The following NDRG2 variants were observed in gnomAD, a reference collection of about 807,000 sequenced individuals.
NDRG2 encodes the protein NDRG family member 2.
A neutral mutation model predicts 58.2 loss-of-function variants in NDRG2; 34 were observed. The observed-to-expected ratio is 0.58, with a 90% CI of 0.44 to 0.78. The LOEUF (loss-of-function observed/expected upper bound fraction) is 0.78, where lower values mean the gene tolerates loss of function less well. Among genes scored for constraint, NDRG2 ranks in the 30% least tolerant of loss-of-function variants. The pLI is 0.00. For missense variants in NDRG2, 434 were observed against 471.2 expected, an observed-to-expected ratio of 0.92 and a Z score of 0.73; for synonymous variants, 187 against 175.9, an observed-to-expected ratio of 1.06 and a Z score of -0.50.
intron 1 of NDRG2, among the ~76,000 whole-genome samples, chr14:21,060,317 C>A (rs1885891780): frequency 6.6e-6 from 1 of 152,148 alleles, no homozygotes; most frequent in African/African-American, 2.4e-5. Context: ...AGCCTCCAGC[C>A]CCCTCCACAT....
chr14:21,022,953 G>A lies in NDRG2; in HGVS notation c.76-48C>T, dbSNP rs371608957. On this transcript the variant is annotated intron_variant, in intron 2 of 15. Coordinates refer to ENST00000556147, the MANE Select transcript of NDRG2 (RefSeq NM_001320329.2). ...ACACAGAAACACATGACCATGTGGC[G>A]TCCCAGATGGAGAGACAAACAGACA... 9.5e-5 allele frequency: 152 copies of A among 1,603,798 alleles called. 1 individual carries two copies. The East Asian group carries it at 1.8e-3, about 19-fold the overall frequency.
chr14:21,021,704 A>G, intron 6 of NDRG2, 113 bp downstream of exon 6: 4 of 1,147,546 alleles, frequency 3.5e-6, no homozygotes, highest in Non-Finnish European at 5.1e-6. Flanking sequence ...AAGAAGATAT[A>G]TTGAGTTCAG....
Position 21,017,735 on chromosome 14 carries a change from G to A in NDRG2, c.977C>T (p.Ser326Phe). The A allele has an allele frequency of 1.2e-6, 2 of 1,602,070 alleles. No homozygotes were observed. Among genetic ancestry groups the A allele is most frequent in the Non-Finnish European group, 8.5e-7 (1 of 1,174,062 alleles). Residue 326 changes from serine to phenylalanine, a missense_variant, in exon 16 of 16, where the codon TCC (serine) becomes TTC (phenylalanine). Transcript: ENST00000556147. ...YMASSCMTRLSRSRTASLTSA... is the reference protein window; with the variant it reads ...YMASSCMTRLFRSRTASLTSA... ...GGTCAGAGAGGCTGTACGAGACCGGGACAGGCGAGTCATGCAGGATGAGGC... is the reference window on the plus strand; with the variant it reads ...GGTCAGAGAGGCTGTACGAGACCGGAACAGGCGAGTCATGCAGGATGAGGC...
intron 1 of NDRG2, chr14:21,033,070 T>G (rs61735945): frequency 0.01 from 4,619 of 446,614 alleles, 45 homozygotes; most frequent in Non-Finnish European, 0.015. Context: ...CAGGAACCTC[T>G]GGGGAATGGG....
intron 1 of NDRG2, among the ~76,000 whole-genome samples, chr14:21,066,275 G>C (rs764893623): frequency 8.0e-4 from 121 of 151,442 alleles, no homozygotes; most frequent in Non-Finnish European, 1.6e-3. Flanking sequence ...GCCATTAGAC[G>C]GGGTTGATGA....
At chr14:21,045,058 C>T (rs767589819) in intron 1 of NDRG2, among the ~76,000 whole-genome samples, 20 of 152,294 alleles carry the variant, frequency 1.3e-4, no homozygotes, top group South Asian at 1.2e-3. Flanking sequence ...TTGTCAGCCC[C>T]AAGTACTGAC....
upstream of NDRG2, chr14:21,025,091 G>T: frequency 2.0e-6 from 2 of 985,688 alleles, no homozygotes; most frequent in Non-Finnish European, 2.4e-6. The surrounding 1 kb of genome is among the most constrained non-coding windows in gnomAD (Gnocchi z 5.1). Flanking sequence ...CCCGGCTCGG[G>T]CTTCCCGCAG....
intron 1 of NDRG2, among the ~76,000 whole-genome samples, chr14:21,066,316 GTTTTTTTTGTTTT>G (rs1886260800): frequency 7.0e-6 from 1 of 141,922 alleles, no homozygotes; most frequent in East Asian, 2.1e-4. Flanking sequence ...TTTTGGTTGT[GTTTTTTTTGTTTT>G]TTTTTTTTGG....
At position 21,030,874 on chromosome 14, in the gene NDRG2, G is replaced by A. The variant is rs150045927; in HGVS notation, c.25-7553C>T. The A allele has an allele frequency of 1.1e-4, 165 of 1,503,696 alleles. 1 individual carries two copies. In the East Asian group the frequency reaches 3.2e-3, roughly 29 times the overall value. The allele number at this position is 1,503,696 out of a possible 1,614,324, so 93.1% of individuals were successfully genotyped here. On this transcript the variant is annotated intron_variant, in intron 1 of 14. Transcript: ENST00000403829. Reference sequence around the variant, plus strand: ...TACCAAGCACCACAGGGTACCTGGCGCTGTGCTATCCTTTGTCTTCGAGAC... The same window carrying A: ...TACCAAGCACCACAGGGTACCTGGCACTGTGCTATCCTTTGTCTTCGAGAC...
intron 1 of NDRG2, chr14:21,043,030 T>G: frequency 6.2e-7 from 1 of 1,614,184 alleles, no homozygotes; most frequent in Non-Finnish European, 8.5e-7. Context: ...CCCCTTCTGC[T>G]GCTTCTGCTG....
At chr14:21,064,793 C>T (rs1286705727) in intron 1 of NDRG2, among the ~76,000 whole-genome samples, 1 of 152,202 alleles carries the variant, frequency 6.6e-6, no homozygotes, top group Non-Finnish European at 1.5e-5. Context: ...TTCCAGAAGT[C>T]CCCCTCCAAA....
rs146892669 is a variant in NDRG2 at position 21,034,143 on chromosome 14, C to T, written c.25-10822G>A. 39 of 1,614,150 alleles carry T rather than the reference C, an allele frequency of 2.4e-5. No individual in the cohort carries two copies. The East Asian group carries it at 3.1e-4, about 13-fold the overall frequency. ...GGACATCAGACCATTACAATAGCCCCGGAAACCCTTTGGGTAGTTAACCCT... is the reference window on the plus strand; with the variant it reads ...GGACATCAGACCATTACAATAGCCCTGGAAACCCTTTGGGTAGTTAACCCT... On this transcript the variant is annotated intron_variant, in intron 1 of 14. Coordinates refer to the NDRG2 transcript ENST00000403829.
Position 21,024,933 on chromosome 14 carries a change from G to T in NDRG2, c.-910C>A, listed in dbSNP as rs1429336927. On this transcript the variant is annotated 5_prime_UTR_variant, in exon 1 of 16. Transcript: ENST00000556147. ...GCTCCGTGCTGGCCCTTTCCCCCGA[G>T]CCTCCAGCTCCAGGGGACGCGGATC... 8 of 985,578 alleles carry T rather than the reference G, an allele frequency of 8.1e-6. No homozygotes were observed. The highest frequency in any genetic ancestry group is 9.6e-6 in the Non-Finnish European group (8 of 830,076). 61.1% of individuals were successfully genotyped at this position (985,578 alleles called of 1,614,324 possible). A position where few individuals can be genotyped will look rare whatever the true frequency, so the allele number is the denominator to read the frequency against.
chr14:21,043,554 T>C, intron 1 of NDRG2: 1 of 883,424 alleles, frequency 1.1e-6, no homozygotes, highest in Non-Finnish European at 1.8e-6. Context: ...TCTCTTCCCC[T>C]CATCTCTTGG....
chr14:21,032,239 A>C (rs1199503766), intron 1 of NDRG2: 2 of 752,172 alleles, frequency 2.7e-6, no homozygotes, highest in Non-Finnish European at 4.6e-6. Flanking sequence ...GCAGCACAGG[A>C]GGGTGGGTTC....
chr14:21,019,609 C>T, intron 10 of NDRG2, 30 bp downstream of exon 10: 1 of 1,435,508 alleles, frequency 7.0e-7, no homozygotes, highest in Non-Finnish European at 9.8e-7. Flanking sequence ...CTGCATTTCT[C>T]TCACATGCAT....
In NDRG2 at chr14:21,018,113, C is replaced by G. The variant is rs8015984; in HGVS notation, c.898-75G>C. On this transcript the variant is annotated intron_variant, in intron 14 of 15. Coordinates refer to ENST00000556147, the MANE Select transcript of NDRG2 (RefSeq NM_001320329.2). ...AGAGCTGGAGCCTGAGGCTGCGGCA[C>G]TGTGGGGCCGGGTGTGTGGCAAAGG... is the stretch of plus-strand genomic sequence containing the variant. 7.5e-6 allele frequency: 12 copies of G among 1,602,106 alleles called. No homozygotes were observed. The East Asian group carries it at 2.7e-4, about 36-fold the overall frequency.
intron 1 of NDRG2, among the ~76,000 whole-genome samples, chr14:21,063,224 G>A (rs1303046790): frequency 2.0e-5 from 3 of 152,070 alleles, no homozygotes; most frequent in South Asian, 4.1e-4. Context: ...GTGTATGTGT[G>A]TGTGTGTATG....
intron 1 of NDRG2, chr14:21,058,207 G>A: frequency 1.9e-6 from 3 of 1,614,144 alleles, no homozygotes; most frequent in Non-Finnish European, 2.5e-6. Flanking sequence ...CCATGTCCCT[G>A]ACCATGGGTG....
Sources: allele counts gnomAD v4.1 joint callset (sites outside exome capture counted in the v4.1 genomes callset), GRCh38; gene constraint gnomAD v4.1.1; non-coding constraint Gnocchi (gnomAD v3.1); transcripts MANE v1.5; gene names NCBI Gene and HGNC (gene_info 2026-07-23, HGNC 2026-07-21).